The following CD247 variants were observed in gnomAD, a reference collection of about 807,000 sequenced individuals.
CD247 encodes T-cell surface glycoprotein CD3 zeta chain.
CD247 carries 13 observed loss-of-function variants against 30.0 expected under a neutral mutation model. The ratio of observed to expected loss-of-function variants is 0.43; its 90% CI spans 0.28 to 0.69. The LOEUF is 0.69. Ranked by LOEUF, CD247 falls within the 30% of genes least tolerant of loss-of-function variation. The pLI is 0.16. For synonymous variants in CD247, 72 were observed against 80.0 expected (o/e 0.90, Z 0.53); for missense variants, 193 against 212.6 (o/e 0.91, Z 0.57).
intron 1 of CD247, among the ~76,000 whole-genome samples, chr1:167,470,518 A>G (rs1176032921): frequency 1.3e-5 from 2 of 150,522 alleles, no homozygotes; most frequent in Non-Finnish European, 3.0e-5. Context: ...AAAAAAAAAA[A>G]AAAAAAAAAG....
intron 1 of CD247, among the ~76,000 whole-genome samples, chr1:167,487,117 A>G (rs1654242953): frequency 6.8e-6 from 1 of 148,132 alleles, no homozygotes. Flanking sequence ...GATGGTTCAC[A>G]TCTATAATTC....
chr1:167,447,398 A>G (rs116547461), intron 1 of CD247, among the ~76,000 whole-genome samples: 88 of 152,164 alleles, frequency 5.8e-4, no homozygotes, highest in African/African-American at 2.1e-3. Flanking sequence ...CTCTGCTTGA[A>G]TATCTCTGGT....
At chr1:167,513,086 C>G (rs1655461931) in intron 1 of CD247, among the ~76,000 whole-genome samples, 1 of 151,970 alleles carries the variant, frequency 6.6e-6, no homozygotes, top group Non-Finnish European at 1.5e-5. Context: ...GCTAAAATAA[C>G]AAAAATCAGA....
chr1:167,454,998 C>A (rs1317016660), intron 1 of CD247, among the ~76,000 whole-genome samples: 1 of 152,252 alleles, frequency 6.6e-6, no homozygotes, highest in Admixed American at 6.5e-5. Context: ...CAAGCCCAAG[C>A]TCCTCCCGGA....
chr1:167,498,283 T>C (rs1054329406), intron 1 of CD247, among the ~76,000 whole-genome samples: 1 of 152,202 alleles, frequency 6.6e-6, no homozygotes, highest in African/African-American at 2.4e-5. Flanking sequence ...TTGACATCCT[T>C]CTACATGAAT....
At chr1:167,454,116 A>G (rs1652509226) in intron 1 of CD247, among the ~76,000 whole-genome samples, 1 of 152,224 alleles carries the variant, frequency 6.6e-6, no homozygotes, top group African/African-American at 2.4e-5. Flanking sequence ...GATAGTGCTG[A>G]TGATTGTACA....
intron 1 of CD247, among the ~76,000 whole-genome samples, chr1:167,482,294 T>C (rs1053270192): frequency 6.6e-6 from 1 of 152,178 alleles, no homozygotes; most frequent in Non-Finnish European, 1.5e-5. Flanking sequence ...GGCCCATAAA[T>C]TCCCCCCTGG....
chr1:167,435,356 C>T, intron 5 of CD247, 43 bp downstream of exon 5: 1 of 1,505,684 alleles, frequency 6.6e-7, no homozygotes, highest in Non-Finnish European at 9.2e-7. Context: ...TCCAGCCCTT[C>T]CTCCAACTTT....
intron 7 of CD247, 95 bp downstream of exon 7, chr1:167,432,929 G>A: frequency 7.3e-7 from 1 of 1,372,952 alleles, no homozygotes; most frequent in Non-Finnish European, 1.0e-6. Context: ...CTGTTGGCAA[G>A]AGCTGGTGCC....
chr1:167,475,763 T>C (rs1653719237), intron 1 of CD247, among the ~76,000 whole-genome samples: 1 of 152,170 alleles, frequency 6.6e-6, no homozygotes, highest in Non-Finnish European at 1.5e-5. Context: ...TGGGAGATTC[T>C]GTGGCACAAA....
intron 1 of CD247, among the ~76,000 whole-genome samples, chr1:167,447,235 A>G (rs840008): frequency 0.98 from 149,590 of 152,296 alleles, 73,514 homozygotes; most frequent in Middle Eastern, 1. Context: ...ATGACGTTGC[A>G]GCTCCAATAG....
intron 1 of CD247, among the ~76,000 whole-genome samples, chr1:167,510,002 A>G (rs905982895): frequency 4.6e-5 from 7 of 152,208 alleles, no homozygotes; most frequent in African/African-American, 1.7e-4. Context: ...ATGATCCGAC[A>G]GAGGTTTTCT....
At chr1:167,504,662 CAGCAGAGA>C (rs1322421529) in intron 1 of CD247, among the ~76,000 whole-genome samples, 1 of 152,182 alleles carries the variant, frequency 6.6e-6, no homozygotes, top group African/African-American at 2.4e-5. Context: ...TGGACAGTCC[CAGCAGAGA>C]AGCAGAGATG....
At chr1:167,511,385 A>T (rs1655381057) in intron 1 of CD247, among the ~76,000 whole-genome samples, 1 of 152,206 alleles carries the variant, frequency 6.6e-6, no homozygotes. Context: ...GCATACCTGC[A>T]CACACAGGAG....
chr1:167,503,140 A>C (rs1340797050), intron 1 of CD247, among the ~76,000 whole-genome samples: 7 of 152,216 alleles, frequency 4.6e-5, no homozygotes, highest in African/African-American at 1.7e-4. Flanking sequence ...CAGCTACCTC[A>C]GCCTTACACA....
intron 1 of CD247, among the ~76,000 whole-genome samples, chr1:167,444,762 A>G (rs1651992234): frequency 6.6e-6 from 1 of 152,120 alleles, no homozygotes; most frequent in Admixed American, 6.5e-5. Flanking sequence ...AACAAATGTA[A>G]ATTTCTGTCA....
At chr1:167,443,798 G>A (rs1330220759) in intron 1 of CD247, among the ~76,000 whole-genome samples, 3 of 152,074 alleles carry the variant, frequency 2.0e-5, no homozygotes, top group African/African-American at 7.2e-5. Context: ...GTGTGTGGTT[G>A]GGTGGAGGAG....
chr1:167,457,812 T>C (rs1419762463), intron 1 of CD247: 2 of 152,224 alleles, frequency 1.3e-5, no homozygotes, highest in East Asian at 3.8e-4. Context: ...TGTAGGTTGC[T>C]CCAAGGTAAA....
intron 1 of CD247, among the ~76,000 whole-genome samples, chr1:167,464,060 A>G (rs1029897889): frequency 4.6e-5 from 7 of 152,082 alleles, no homozygotes; most frequent in South Asian, 2.1e-4. Flanking sequence ...AGAAGCCCCT[A>G]CGGTGGAAAG....
Sources: gnomAD v4.1 joint callset for allele counts (sites outside exome capture counted in the v4.1 genomes callset) on GRCh38, gnomAD v4.1.1 for gene constraint, MANE v1.5 for transcripts, NCBI Gene and HGNC (gene_info 2026-07-23, HGNC 2026-07-21) for gene names.